TELO2: variants seen among roughly 807,000 people sequenced by gnomAD.
The protein encoded by TELO2 is telomere maintenance 2, also known as telomere length regulation protein TEL2 homolog.
A neutral mutation model predicts 91.0 loss-of-function variants in TELO2; 71 were observed. The observed-to-expected ratio is 0.78, with a 90% confidence interval of 0.64 to 0.95. The LOEUF (loss-of-function observed/expected upper bound fraction) is 0.95. TELO2 is among the 40% of genes least tolerant of loss of function. TELO2 has a pLI of 0.00. For synonymous variants in TELO2, 584 were observed against 518.9 expected (o/e 1.13, Z -1.71); for missense variants, 1,183 against 1,141.3 (o/e 1.04, Z -0.53).
At position 1,501,439 on chromosome 16, in the gene TELO2, G is replaced by A; in HGVS notation, c.1301G>A (p.Ser434Asn). 6.2e-7 allele frequency: 1 copy of A among 1,612,366 alleles called. No individual in the cohort carries two copies. Residue 434 changes from serine to asparagine, a missense_variant, in exon 10 of 21, where the codon AGC (serine) becomes AAC (asparagine). By Grantham distance (46) the Ser-to-Asn change is conservative. Transcript: ENST00000262319. ...LKFQYEEDEL[S>N]LELLALASPQ... ...CTGTAGTACGAAGAGGATGAACTGAGCCTCGAGCTGCTGGCCTTGGCCTCC... is the reference window on the plus strand; with the variant it reads ...CTGTAGTACGAAGAGGATGAACTGAACCTCGAGCTGCTGGCCTTGGCCTCC...
In TELO2 at chr16:1,505,490, C is replaced by T. The variant is rs756270140; in HGVS notation, c.1923C>T (p.Asn641=). Residue 641 remains asparagine (N), a synonymous_variant, in exon 16 of 21, where the codon AAC becomes AAT. Transcript: ENST00000262319. The surrounding 1 kb of genome is among the most constrained non-coding windows in gnomAD (Gnocchi z 4.3). ...RTPQPGSPSP[N]TPCLPEAAVS... ...CCCAACCTGGCTCCCCAAGTCCCAA[C>T]ACCCCGTGCCTGCCAGAGGCAGCCG... is the stretch of plus-strand genomic sequence containing the variant. 4 of 1,613,162 alleles carry T rather than the reference C, an allele frequency of 2.5e-6. No homozygotes were observed. The highest frequency in any genetic ancestry group is 1.1e-5 in the South Asian group (1 of 91,086).
rs897911179 is a variant in TELO2, at chr16:1,497,639, G to A, written c.830+131G>A. On this transcript the variant is annotated intron_variant, in intron 5 of 20. Coordinates refer to ENST00000262319, the MANE Select transcript of TELO2 (RefSeq NM_016111.4). This position sits in a 1 kb window ranked among gnomAD's most constrained non-coding sequence, Gnocchi z 4.0. ...CACCCCCATGTAGGTGCCACAGGGT[G>A]TGGGTGGTGCCCTCTCAGTTCCCGC... 7.0e-6 allele frequency: 9 copies of A among 1,293,826 alleles called. No homozygotes were observed. The African/African-American group carries it at 1.3e-4, about 19-fold the overall frequency. 80.1% of individuals were successfully genotyped at this position (1,293,826 alleles called of 1,614,324 possible).
At chr16:1,507,770 G>C (rs866471578) in intron 20 of TELO2, 54 bp downstream of exon 20, 1 of 1,355,508 alleles carries the variant, frequency 7.4e-7, no homozygotes, top group South Asian at 1.3e-5. Flanking sequence ...CGGGGTGTGT[G>C]TGTATGTGTG....
At position 1,509,855 on chromosome 16, in the gene TELO2, G is replaced by A. The variant is rs1434922532; in HGVS notation, c.2433G>A (p.Glu811=). 7 of 1,612,512 alleles carry A rather than the reference G, an allele frequency of 4.3e-6. No homozygotes were observed. Among genetic ancestry groups the A allele is most frequent in the Non-Finnish European group, 8.5e-7 (1 of 1,179,750 alleles). Residue 811 remains glutamate, a synonymous_variant, in exon 21 of 21, where the codon GAG becomes GAA. Transcript: ENST00000262319. The stretch of plus-strand genomic sequence containing the variant: ...ACGTGGCTGAGAAAGACCCGGACGA[G>A]GACTGCAGGACGCTGGCACTGAGGG... ...LADVAEKDPD[E]DCRTLALRAL...
chr16:1,505,688 A>G lies in TELO2; in HGVS notation c.2034+87A>G. On this transcript the variant is annotated intron_variant, in intron 16 of 20. Transcript: ENST00000262319. This position sits in a 1 kb window ranked among gnomAD's most constrained non-coding sequence, Gnocchi z 4.3. Reference sequence around the variant, plus strand: ...TCAGACACCTCCAGGCGCTGTCTGCAGCGAGGGGCGGCCACATTCGCTGGG... The same window carrying G: ...TCAGACACCTCCAGGCGCTGTCTGCGGCGAGGGGCGGCCACATTCGCTGGG... The G allele has an allele frequency of 6.9e-7, 1 of 1,459,518 alleles. No individual in the cohort carries two copies. 90.4% of individuals were successfully genotyped at this position (1,459,518 alleles called of 1,614,324 possible).
intron 15 of TELO2, among the ~76,000 whole-genome samples, chr16:1,503,949 T>G (rs1342755505): frequency 6.6e-6 from 1 of 151,626 alleles, no homozygotes; most frequent in East Asian, 2.0e-4. Flanking sequence ...CTGGTCAACA[T>G]AGCAAGACCC....
intron 10 of TELO2, 66 bp from the exon 11 acceptor site, chr16:1,501,597 C>T: frequency 1.1e-5 from 18 of 1,569,192 alleles, no homozygotes; most frequent in Non-Finnish European, 1.5e-5. Context: ...TCTTTCTGTC[C>T]TGTGAGTCCT....
chr16:1,501,705 C>A lies in TELO2; in HGVS notation c.1404C>A (p.Thr468=). The A allele has an allele frequency of 6.2e-7, 1 of 1,612,946 alleles. No individual in the cohort carries two copies. The highest frequency in any genetic ancestry group is 8.5e-7 in the Non-Finnish European group (1 of 1,179,908). Residue 468 remains threonine (T), a synonymous_variant, in exon 11 of 21, where the codon ACC becomes ACA. Coordinates refer to ENST00000262319, the MANE Select transcript of TELO2 (RefSeq NM_016111.4). ...CCACGGCAGAGCCCCCTGCAGAGAC[C>A]CCCGCAGAGATCGTGGATGGCGGCG... ...VPATAEPPAE[T]PAEIVDGGVP...
chr16:1,504,966 C>T (rs2039836557), intron 15 of TELO2, among the ~76,000 whole-genome samples: 3 of 152,258 alleles, frequency 2.0e-5, no homozygotes, highest in East Asian at 1.9e-4. Flanking sequence ...TGGGAGCCTC[C>T]GGTCTGGCGC....
intron 2 of TELO2, among the ~76,000 whole-genome samples, 197 bp from the exon 3 acceptor site, chr16:1,495,149 C>T (rs1312927760): frequency 1.3e-5 from 2 of 152,220 alleles, no homozygotes; most frequent in Non-Finnish European, 2.9e-5. Context: ...GCTCAGGGCC[C>T]CGAGAGCTCT....
In TELO2 at chr16:1,506,586, G is replaced by A. The variant is rs377731098; in HGVS notation, c.2126+257G>A. On this transcript the variant is annotated intron_variant, in intron 17 of 20. Transcript: ENST00000262319. ...GCATGGCCGGCAGTGCCGCCCGCACGTGCCCGACGCCATCACCTGCTGGGC... is the reference window on the plus strand; with the variant it reads ...GCATGGCCGGCAGTGCCGCCCGCACATGCCCGACGCCATCACCTGCTGGGC... 33 of 1,405,022 alleles carry A rather than the reference G, an allele frequency of 2.3e-5. No individual in the cohort carries two copies. In the East Asian group the frequency reaches 5.1e-4, roughly 22 times the overall value. The allele number at this position is 1,405,022 out of a possible 1,614,324, so 87.0% of individuals were successfully genotyped here.
Position 1,499,335 on chromosome 16 carries a change from T to C in TELO2, c.933+2T>C. 1.3e-6 allele frequency: 2 copies of C among 1,593,722 alleles called. No homozygotes were observed. Among genetic ancestry groups the C allele is most frequent in the Non-Finnish European group, 1.7e-6 (2 of 1,174,134 alleles). On this transcript the variant is annotated splice_donor_variant, in intron 6 of 20. Coordinates refer to ENST00000262319, the MANE Select transcript of TELO2 (RefSeq NM_016111.4). LOFTEE classifies it high-confidence loss of function. ...CTGTTCTTACAGTCCCGGCTCACGG[T>C]GAGGACGCCACGGAGGGTGCAGGCT...
chr16:1,499,426 G>A, intron 6 of TELO2, 93 bp downstream of exon 6: 1 of 1,401,128 alleles, frequency 7.1e-7, no homozygotes, highest in East Asian at 2.3e-5. Context: ...CTGCTGCCTG[G>A]GAGACCCTGC....
Position 1,502,777 on chromosome 16 carries a change from C to A in TELO2, c.1770+16C>A, listed in dbSNP as rs757990741. 6.2e-7 allele frequency: 1 copy of A among 1,609,864 alleles called. No homozygotes were observed. The highest frequency in any genetic ancestry group is 8.5e-7 in the Non-Finnish European group (1 of 1,179,430). On this transcript the variant is annotated intron_variant, in intron 14 of 20. Coordinates refer to ENST00000262319, the MANE Select transcript of TELO2 (RefSeq NM_016111.4). ...CCCGGCCCCGGTGAGTTCCCGCACC[C>A]GTGGCCCTGGCCAGTGCAGGCACAG...
intron 3 of TELO2, among the ~76,000 whole-genome samples, chr16:1,495,946 G>T (rs576508094): frequency 2.6e-5 from 4 of 152,362 alleles, no homozygotes; most frequent in African/African-American, 9.6e-5. Flanking sequence ...TGGAGAGGGG[G>T]TGCTGTGGGA....
chr16:1,506,893 A>G, intron 17 of TELO2, 59 bp from the exon 18 acceptor site: 3 of 1,514,284 alleles, frequency 2.0e-6, no homozygotes, highest in Non-Finnish European at 2.7e-6. Flanking sequence ...GTGGCCCAGG[A>G]GGTTGGGGAC....
chr16:1,495,216 T>G, intron 2 of TELO2, 130 bp from the exon 3 acceptor site: 2 of 1,273,000 alleles, frequency 1.6e-6, no homozygotes, highest in Non-Finnish European at 2.1e-6. Flanking sequence ...ATCCGGCTTG[T>G]GGTTTTGGAC....
chr16:1,499,305 A>G lies in TELO2; in HGVS notation c.905A>G (p.Lys302Arg). The G allele has an allele frequency of 6.2e-7, 1 of 1,613,580 alleles. No individual in the cohort carries two copies. The highest frequency in any genetic ancestry group is 1.3e-5 in the African/African-American group (1 of 74,812). Residue 302 changes from lysine to arginine, a missense_variant, in exon 6 of 21, where the codon AAG (lysine) becomes AGG (arginine). By Grantham distance (26) the Lys-to-Arg change is conservative (BLOSUM62 2). Coordinates refer to ENST00000262319, the MANE Select transcript of TELO2 (RefSeq NM_016111.4). ...NKKAQFVMTQ[K>R]LLFLQSRLTT... ...AAGGCCCAGTTTGTGATGACCCAGAAGCTTCTGTTCTTACAGTCCCGGCTC... is the reference window on the plus strand; with the variant it reads ...AAGGCCCAGTTTGTGATGACCCAGAGGCTTCTGTTCTTACAGTCCCGGCTC...
chr16:1,507,568 T>C (rs1200781059), intron 19 of TELO2, 33 bp from the exon 20 acceptor site: 3 of 1,551,040 alleles, frequency 1.9e-6, no homozygotes, highest in Non-Finnish European at 2.6e-6. Flanking sequence ...GTGTGGTCCC[T>C]GCCGAGCTCA....
Sources: gnomAD v4.1 joint callset for allele counts (sites outside exome capture counted in the v4.1 genomes callset) on GRCh38, gnomAD v4.1.1 for gene constraint, Gnocchi (gnomAD v3.1) non-coding constraint, MANE v1.5 for transcripts, NCBI Gene and HGNC (gene_info 2026-07-23, HGNC 2026-07-21) for gene names.